The following ZDHHC15 variants were observed in gnomAD, a reference collection of about 807,000 sequenced individuals.
The protein encoded by ZDHHC15 is palmitoyltransferase ZDHHC15.
Under a neutral mutation model 31.7 loss-of-function variants are expected in ZDHHC15, and 19 were observed. The observed-to-expected ratio is 0.60, with a 90% confidence interval of 0.42 to 0.88. ZDHHC15 has a LOEUF of 0.88. Ranked by LOEUF, ZDHHC15 falls within the 40% of genes least tolerant of loss-of-function variation. The probability of loss-of-function intolerance (pLI) is 0.00; values close to 1 mark genes in which losing one functional copy is unlikely to be tolerated. For synonymous variants in ZDHHC15, 103 were observed against 90.0 expected (o/e 1.14, Z -0.82); for missense variants, 209 against 251.2 (o/e 0.83, Z 1.14).
chrX:75,489,705 C>T (rs780235242), intron 2 of ZDHHC15, among the ~76,000 whole-genome samples: 8 of 112,461 alleles, frequency 7.1e-5, no homozygotes, highest in Non-Finnish European at 1.5e-4. Context: ...CAAAGGAATG[C>T]AGCTCCTCAC....
At chrX:75,431,309 G>C (rs776028396) in intron 5 of ZDHHC15, 142 bp downstream of exon 5, 2 of 457,286 alleles carry the variant, frequency 4.4e-6, no homozygotes, top group East Asian at 7.8e-5. Flanking sequence ...TCATCCGTGT[G>C]AGGGGTTTTG....
rs371633766 is a variant in ZDHHC15 at position 75,443,277 on chromosome X, C to G, written c.379+7525G>C. On this transcript the variant is annotated intron_variant, in intron 4 of 11. Coordinates refer to ENST00000373367, the MANE Select transcript of ZDHHC15 (RefSeq NM_144969.3). ...TTTGGTACCAAAACAGAGTTATAGA[C>G]CAATGGAACAGAACAGAGCCCTCAG... Among the ~76,000 whole-genome samples the G allele has an allele frequency of 7.3e-5, 8 of 110,259 alleles. No homozygotes were observed. In the East Asian group the frequency reaches 2.3e-3, roughly 32 times the overall value.
chrX:75,377,502 A>AT (rs2083072943), intron 11 of ZDHHC15, among the ~76,000 whole-genome samples: 1 of 50,256 alleles, frequency 2.0e-5, no homozygotes, highest in African/African-American at 4.0e-5. Context: ...TCTCAAAAAA[A>AT]AAATATATAT....
At chrX:75,435,987 T>G (rs1233628787) in intron 4 of ZDHHC15, among the ~76,000 whole-genome samples, 2 of 111,680 alleles carry the variant, frequency 1.8e-5, no homozygotes, top group Middle Eastern at 4.6e-3. Context: ...TTTTTTTTGT[T>G]GGCAATTTTT....
intron 5 of ZDHHC15, among the ~76,000 whole-genome samples, chrX:75,431,221 C>G (rs1292986963): frequency 8.9e-6 from 1 of 112,285 alleles, no homozygotes; most frequent in Non-Finnish European, 1.9e-5. Flanking sequence ...AAGTCTAAAA[C>G]TGTCCACAAA....
intron 10 of ZDHHC15, among the ~76,000 whole-genome samples, chrX:75,380,738 A>G (rs1223757665): frequency 9.0e-6 from 1 of 111,240 alleles, no homozygotes; most frequent in Non-Finnish European, 1.9e-5. Flanking sequence ...ACCTCCTACC[A>G]TCTGCACCTA....
chrX:75,386,825 T>C (rs1360694977), intron 10 of ZDHHC15, among the ~76,000 whole-genome samples: 2 of 111,799 alleles, frequency 1.8e-5, no homozygotes, highest in Non-Finnish European at 3.8e-5. Context: ...ACTATACTGA[T>C]AGAGAGTAAC....
chrX:75,469,961 T>C (rs1210795950), intron 3 of ZDHHC15, among the ~76,000 whole-genome samples: 1 of 111,612 alleles, frequency 9.0e-6, no homozygotes, highest in Non-Finnish European at 1.9e-5. Context: ...ATCTCATTGT[T>C]TTGATTTGCA....
At chrX:75,450,122 C>CA (rs1167105304) in intron 4 of ZDHHC15, among the ~76,000 whole-genome samples, 3 of 111,585 alleles carry the variant, frequency 2.7e-5, no homozygotes, top group East Asian at 5.6e-4. Context: ...AAAAAATACA[C>CA]AAAAAAGATG....
At chrX:75,405,594 G>T (rs1241351573) in intron 10 of ZDHHC15, among the ~76,000 whole-genome samples, 1 of 110,867 alleles carries the variant, frequency 9.0e-6, no homozygotes, top group African/African-American at 3.3e-5. Flanking sequence ...AATGATAAAG[G>T]GTCAATTCAA....
intron 2 of ZDHHC15, among the ~76,000 whole-genome samples, chrX:75,493,916 T>C (rs761099691): frequency 2.7e-5 from 3 of 111,705 alleles, no homozygotes; most frequent in South Asian, 7.6e-4. Flanking sequence ...CAACACAGTG[T>C]TGGAAATTCT....
intron 3 of ZDHHC15, among the ~76,000 whole-genome samples, chrX:75,458,463 T>C (rs779602699): frequency 5.4e-4 from 60 of 111,972 alleles, no homozygotes; most frequent in African/African-American, 1.9e-3. Flanking sequence ...AGTCTGTATG[T>C]TATACTTCAA....
At chrX:75,376,957 TC>T (rs1433524165) in intron 11 of ZDHHC15, among the ~76,000 whole-genome samples, 1 of 111,207 alleles carries the variant, frequency 9.0e-6, no homozygotes, top group African/African-American at 3.3e-5. Flanking sequence ...TTTTCTTTCA[TC>T]CTTTTTTATT....
Position 75,420,219 on chromosome X carries a change from G to A in ZDHHC15, c.863+1645C>T, listed in dbSNP as rs375773761. 5.4e-4 allele frequency among the ~76,000 whole-genome samples: 60 copies of A among 111,323 alleles called. 3 individuals are homozygous for A. The East Asian group carries it at 8.0e-3, about 15-fold the overall frequency. ...ATATTAAAAAAAGCCCATTATCACC[G>A]GTCATTAGAGAAATGCAAATCAAAA... On this transcript the variant is annotated intron_variant, in intron 9 of 11. Transcript: ENST00000373367.
chrX:75,459,364 T>C (rs1044073424), intron 3 of ZDHHC15, among the ~76,000 whole-genome samples: 9 of 111,906 alleles, frequency 8.0e-5, no homozygotes, highest in African/African-American at 2.9e-4. Flanking sequence ...CTTGTAATTC[T>C]AGCCAGCCAA....
At chrX:75,488,187 C>T (rs984702287) in intron 2 of ZDHHC15, among the ~76,000 whole-genome samples, 2 of 111,335 alleles carry the variant, frequency 1.8e-5, no homozygotes, top group Non-Finnish European at 3.8e-5. Context: ...GGAAATTCAT[C>T]GCAAAAAGAT....
chrX:75,407,028 C>T (rs1459560161), intron 10 of ZDHHC15, among the ~76,000 whole-genome samples: 2 of 112,604 alleles, frequency 1.8e-5, no homozygotes, highest in Admixed American at 9.3e-5. Context: ...GATCTTGGCT[C>T]GCTACAGCCT....
intron 3 of ZDHHC15, among the ~76,000 whole-genome samples, chrX:75,465,466 C>T (rs1170165361): frequency 3.6e-5 from 4 of 111,393 alleles, no homozygotes; most frequent in African/African-American, 6.5e-5. Context: ...TTTAAAAATT[C>T]GTATGGAACC....
chrX:75,514,303 C>T (rs1047020929), intron 1 of ZDHHC15, among the ~76,000 whole-genome samples: 2 of 111,869 alleles, frequency 1.8e-5, no homozygotes, highest in Non-Finnish European at 3.8e-5. Context: ...GATAAATCTA[C>T]GTTAAGGAGT....
Sources: gnomAD v4.1 joint callset for allele counts (sites outside exome capture counted in the v4.1 genomes callset) on GRCh38, gnomAD v4.1.1 for gene constraint, MANE v1.5 for transcripts, NCBI Gene and HGNC (gene_info 2026-07-23, HGNC 2026-07-21) for gene names.